Variants in AGFG1 observed in about 807,000 individuals in gnomAD.
The protein encoded by AGFG1 is arf-GAP domain and FG repeat-containing protein 1.
In AGFG1, 10 loss-of-function variants were observed where a neutral mutation model predicts 60.6. That is an observed-to-expected ratio of 0.16 (90% CI 0.10 to 0.28). AGFG1 has a LOEUF of 0.28. Among genes scored for constraint, AGFG1 ranks in the 10% least tolerant of loss-of-function variants. AGFG1 has a pLI of 1.00. For missense variants in AGFG1, 537 were observed against 676.5 expected, an observed-to-expected ratio of 0.79 and a Z score of 2.29; for synonymous variants, 247 against 242.9, an observed-to-expected ratio of 1.02 and a Z score of -0.16.
chr2:227,539,518 G>C (rs1692417174), intron 10 of AGFG1, among the ~76,000 whole-genome samples: 1 of 151,428 alleles, frequency 6.6e-6, no homozygotes, highest in Non-Finnish European at 1.5e-5. Context: ...ACTTTGGGAT[G>C]CCGAGGTAGG....
chr2:227,548,645 A>G (rs977806254), intron 10 of AGFG1, among the ~76,000 whole-genome samples: 7 of 152,228 alleles, frequency 4.6e-5, no homozygotes, highest in African/African-American at 1.7e-4. Flanking sequence ...GCTTTAAGAT[A>G]AAGTAGATAA....
At chr2:227,473,454 A>G (rs1690182559) in intron 1 of AGFG1, among the ~76,000 whole-genome samples, 1 of 152,178 alleles carries the variant, frequency 6.6e-6, no homozygotes, top group Non-Finnish European at 1.5e-5. Context: ...CTGGCTGTAC[A>G]CAGAAATGAG....
intron 5 of AGFG1, among the ~76,000 whole-genome samples, chr2:227,525,818 A>G (rs1178567667): frequency 6.6e-6 from 1 of 152,196 alleles, no homozygotes; most frequent in African/African-American, 2.4e-5. Context: ...TTGGGATTTA[A>G]GAGGCATGTA....
intron 2 of AGFG1, among the ~76,000 whole-genome samples, chr2:227,503,705 G>T (rs1253082994): frequency 6.6e-6 from 1 of 152,236 alleles, no homozygotes; most frequent in Non-Finnish European, 1.5e-5. Flanking sequence ...GGATCTGAGT[G>T]TCACTGTGGT....
intron 1 of AGFG1, among the ~76,000 whole-genome samples, chr2:227,473,277 G>A (rs1349547178): frequency 6.6e-6 from 1 of 152,190 alleles, no homozygotes; most frequent in African/African-American, 2.4e-5. Context: ...AGGCAGAGGA[G>A]CAGATTTGAA....
intron 2 of AGFG1, among the ~76,000 whole-genome samples, chr2:227,517,599 G>A (rs1338879847): frequency 6.6e-6 from 1 of 152,204 alleles, no homozygotes; most frequent in Non-Finnish European, 1.5e-5. Flanking sequence ...CAGATTTGGG[G>A]ACATGATAGG....
rs145841302 is a variant in AGFG1, at chr2:227,507,821, A to G, written c.262-12127A>G. On this transcript the variant is annotated intron_variant, in intron 2 of 12. Coordinates refer to ENST00000310078, the MANE Select transcript of AGFG1 (RefSeq NM_004504.5). ...AAAATAGTTTCATAACATTTCCAAC[A>G]GCAAGCAATTAGGTTTTTTTTAAAT... Among the ~76,000 whole-genome samples the G allele has an allele frequency of 2.7e-3, 416 of 152,196 alleles. 2 individuals are homozygous for G. The highest frequency in any genetic ancestry group is 4.9e-3 in the Non-Finnish European group (336 of 68,000).
At chr2:227,523,498 TATCTTAGAA>T (rs1415577940) in intron 3 of AGFG1, among the ~76,000 whole-genome samples, 1 of 152,226 alleles carries the variant, frequency 6.6e-6, no homozygotes, top group East Asian at 1.9e-4. Flanking sequence ...TTGTACTTAA[TATCTTAGAA>T]AAACCATAAA....
At chr2:227,477,609 T>C (rs1192225195) in intron 1 of AGFG1, among the ~76,000 whole-genome samples, 1 of 152,170 alleles carries the variant, frequency 6.6e-6, no homozygotes, top group African/African-American at 2.4e-5. Flanking sequence ...TTTTCTTTTT[T>C]TTGTTTTTAT....
intron 10 of AGFG1, among the ~76,000 whole-genome samples, chr2:227,545,707 A>G (rs1692626100): frequency 6.6e-6 from 1 of 151,968 alleles, no homozygotes; most frequent in African/African-American, 2.4e-5. Context: ...CTTTTCCTTC[A>G]AACAGTCAGG....
intron 10 of AGFG1, among the ~76,000 whole-genome samples, chr2:227,541,242 T>G (rs1692483910): frequency 6.6e-6 from 1 of 152,238 alleles, no homozygotes; most frequent in Admixed American, 6.5e-5. Flanking sequence ...CCATTGCTTT[T>G]GGTGTTTTAG....
chr2:227,535,047 T>C (rs748394281), intron 8 of AGFG1, 22 bp downstream of exon 8: 19 of 1,528,874 alleles, frequency 1.2e-5, no homozygotes, highest in Non-Finnish European at 1.7e-5. Flanking sequence ...TAGCTAGCCC[T>C]CCTGCTTTGT....
chr2:227,547,378 C>T (rs1692684107), intron 10 of AGFG1, among the ~76,000 whole-genome samples: 1 of 152,160 alleles, frequency 6.6e-6, no homozygotes, highest in African/African-American at 2.4e-5. Context: ...ATTTGGACAT[C>T]TCTAATATTT....
chr2:227,558,265 T>G lies in AGFG1; in HGVS notation c.*3770T>G, dbSNP rs1435501357. On this transcript the variant is annotated 3_prime_UTR_variant, in exon 13 of 13. Transcript: ENST00000310078. ...TGGATTAAATGCTATCACATTTATA[T>G]ATGAATGCATTCTTTCTTAATATTT... 1 of 152,240 alleles carries G rather than the reference T, an allele frequency of 6.6e-6. No individual in the cohort carries two copies. Among genetic ancestry groups the G allele is most frequent in the African/African-American group, 2.4e-5 (1 of 41,466 alleles). The allele number at this position is 152,240 out of a possible 1,614,324, so 9.4% of individuals were successfully genotyped here.
chr2:227,549,005 G>A (rs1692738741), intron 10 of AGFG1, among the ~76,000 whole-genome samples: 1 of 103,068 alleles, frequency 9.7e-6, no homozygotes, highest in Non-Finnish European at 2.1e-5. Flanking sequence ...TTCTCCCTCA[G>A]TTAACCTTTT....
chr2:227,526,868 T>C (rs1286390778), intron 5 of AGFG1, among the ~76,000 whole-genome samples: 1 of 152,120 alleles, frequency 6.6e-6, no homozygotes, highest in African/African-American at 2.4e-5. Flanking sequence ...TTGATAGAAC[T>C]CTTGTGGTCT....
intron 2 of AGFG1, among the ~76,000 whole-genome samples, chr2:227,497,748 T>C (rs1401037172): frequency 7.3e-6 from 1 of 136,590 alleles, no homozygotes; most frequent in East Asian, 2.1e-4. Flanking sequence ...TTTTTTTTTT[T>C]TTTTTTTTTT....
Position 227,497,735 on chromosome 2 carries a change from G to GTTTTTTTTTTTTTTTTTTTTTTTTT in AGFG1, c.261+6097_261+6121dup, listed in dbSNP as rs869114764. Among the ~76,000 whole-genome samples the GTTTTTTTTTTTTTTTTTTTTTTTTT allele has an allele frequency of 2.1e-4, 6 of 28,016 alleles. 3 individuals carry two copies. Among genetic ancestry groups the GTTTTTTTTTTTTTTTTTTTTTTTTT allele is most frequent in the Admixed American group, 8.4e-4 (2 of 2,380 alleles). 18.4% of individuals were successfully genotyped at this position (28,016 alleles called of 152,430 possible). ...GCCAAATGAGTTTCTTTCTTGTTTT[G>GTTTTTTTTTTTTTTTTTTTTTTTTT]TTTTTTTTTTTTTTTTTTTTTTTTT... On this transcript the variant is annotated intron_variant, in intron 2 of 12. Coordinates refer to ENST00000310078, the MANE Select transcript of AGFG1 (RefSeq NM_004504.5).
intron 1 of AGFG1, among the ~76,000 whole-genome samples, chr2:227,474,032 GT>G (rs1183854596): frequency 2.6e-5 from 4 of 152,294 alleles, no homozygotes; most frequent in Non-Finnish European, 5.9e-5. Flanking sequence ...AGTGCTCATG[GT>G]TACTTTTAGG....
Sources: gnomAD v4.1 joint callset for allele counts (sites outside exome capture counted in the v4.1 genomes callset) on GRCh38, gnomAD v4.1.1 for gene constraint, MANE v1.5 for transcripts, NCBI Gene and HGNC (gene_info 2026-07-23, HGNC 2026-07-21) for gene names.